The following CDC25C variants were observed in gnomAD, a reference collection of about 807,000 sequenced individuals.
The protein encoded by CDC25C is M-phase inducer phosphatase 3.
In CDC25C, 48 loss-of-function variants were observed where a neutral mutation model predicts 52.5. That is an observed-to-expected ratio of 0.91 (90% CI 0.72 to 1.16). The LOEUF (loss-of-function observed/expected upper bound fraction) is 1.16, where lower values mean the gene tolerates loss of function less well. Ranked by LOEUF, CDC25C falls within the 50% of genes most tolerant of loss-of-function variation. The pLI is 0.00. For missense variants in CDC25C, 510 were observed against 566.1 expected (o/e 0.90, Z 1.01); for synonymous variants, 187 against 206.5 (o/e 0.91, Z 0.81).
chr5:138,329,148 C>T (rs570917284), intron 3 of CDC25C, among the ~76,000 whole-genome samples: 4 of 152,144 alleles, frequency 2.6e-5, no homozygotes, highest in Non-Finnish European at 4.4e-5. Flanking sequence ...CGTGACCCGC[C>T]CGCCTTGCCC....
At chr5:138,329,975 C>A (rs1760225273) in intron 2 of CDC25C, among the ~76,000 whole-genome samples, 1 of 152,132 alleles carries the variant, frequency 6.6e-6, no homozygotes, top group South Asian at 2.1e-4. Flanking sequence ...AGGTGATCCA[C>A]CCACCTCGGC....
At chr5:138,332,234 A>C (rs1382821784), upstream of CDC25C, 1 of 152,040 alleles carries the variant, frequency 6.6e-6, no homozygotes, top group Admixed American at 6.5e-5. Flanking sequence ...TAAGCGTTTC[A>C]TTTTCTTCGC....
At position 138,322,466 on chromosome 5, in the gene CDC25C, A is replaced by ATTTTTTTTTTT. The variant is rs71585117; in HGVS notation, c.460-3103_460-3093dup. On this transcript the variant is annotated intron_variant, in intron 6 of 13. Coordinates refer to ENST00000323760, the MANE Select transcript of CDC25C (RefSeq NM_001790.5). ...AGATGCCTGCCACCACGCCCGGCTA[A>ATTTTTTTTTTT]TTTTTTTTTTTTTTTTTTTTTTTTT... Among the ~76,000 whole-genome samples the ATTTTTTTTTTT allele has an allele frequency of 1.2e-4, 8 of 67,954 alleles. 2 individuals are homozygous for ATTTTTTTTTTT. The highest frequency in any genetic ancestry group is 2.1e-4 in the Non-Finnish European group (7 of 33,136). 44.6% of individuals were successfully genotyped at this position (67,954 alleles called of 152,430 possible).
rs2126837457 is a variant in CDC25C at position 138,328,513 on chromosome 5, T to C, written c.306A>G (p.Ser102=). ...CAGCTAAATGCACTTCCTGAAGTCCTGAAGAATCCAGGTGACCTGCAATCA... is the reference window on the plus strand; with the variant it reads ...CAGCTAAATGCACTTCCTGAAGTCCCGAAGAATCCAGGTGACCTGCAATCA... The part of the protein sequence containing the change: ...DLDETGHLDS[S]GLQEVHLAGM... The change falls in exon 4 of 14, where the codon TCA becomes TCG. Residue 102 remains serine, a synonymous_variant. Coordinates refer to ENST00000323760, the MANE Select transcript of CDC25C (RefSeq NM_001790.5). 2 of 1,613,892 alleles carry C rather than the reference T, an allele frequency of 1.2e-6. No homozygotes were observed. The highest frequency in any genetic ancestry group is 4.5e-5 in the East Asian group (2 of 44,860).
upstream of CDC25C, chr5:138,331,805 A>G (rs1028763250): frequency 8.1e-6 from 8 of 985,974 alleles, no homozygotes; most frequent in African/African-American, 1.4e-4. Flanking sequence ...GAGCAAGAAT[A>G]TCAACAGCCG....
rs1757857896 is a variant in CDC25C at position 138,304,490 on chromosome 5, TG to T, written c.616-12375del. Among the ~76,000 whole-genome samples, 4 of 151,140 alleles carry T rather than the reference TG, an allele frequency of 2.6e-5. No individual in the cohort carries two copies. The South Asian group carries it at 8.4e-4, about 32-fold the overall frequency. ...TAACACAATGGCTCCTACTCTTACCTGCTTCCAACTCTTTTTTTTTTTTTCT... is the reference window on the plus strand; with the variant it reads ...TAACACAATGGCTCCTACTCTTACCTCTTCCAACTCTTTTTTTTTTTTTCT... On this transcript the variant is annotated intron_variant, in intron 7 of 13. Coordinates refer to ENST00000323760, the MANE Select transcript of CDC25C (RefSeq NM_001790.5).
rs1300374504 is a variant in CDC25C at position 138,323,772 on chromosome 5, A to G, written c.459+2043T>C. On this transcript the variant is annotated intron_variant, in intron 6 of 13. Transcript: ENST00000323760. ...TCAGGAGTTCAAATCAGCCTGGCCA[A>G]TATGGTGAAACCCCGTCTCTACTAA... 5.9e-5 allele frequency among the ~76,000 whole-genome samples: 9 copies of G among 152,104 alleles called. No individual in the cohort carries two copies. In the East Asian group the frequency reaches 7.8e-4, roughly 13 times the overall value.
chr5:138,334,584 T>C (rs1327376573), upstream of CDC25C, among the ~76,000 whole-genome samples: 3 of 152,054 alleles, frequency 2.0e-5, no homozygotes, highest in African/African-American at 7.2e-5. Flanking sequence ...ACTCCTGACC[T>C]GAGGTAATCC....
rs1348612100 is a variant in CDC25C, at chr5:138,291,999, A to G, written c.733T>C (p.Tyr245His). The G allele has an allele frequency of 6.2e-6, 10 of 1,609,708 alleles. No homozygotes were observed. Among genetic ancestry groups the G allele is most frequent in the South Asian group, 5.5e-5 (5 of 90,362 alleles). Reference protein sequence around the residue: ...NTIPDKVKKKYFSGQGKLRKG... With the variant: ...NTIPDKVKKKHFSGQGKLRKG... ...CTGAGCTTTCCTTGGCCAGAAAAAT[A>G]CTTTTTTTTAACTTTATCTGGTATT... Residue 245 changes from tyrosine (Y) to histidine (H), a missense_variant, in exon 8 of 14, where the codon TAT (tyrosine) becomes CAT (histidine). By Grantham distance (83) the Tyr-to-His change is moderately conservative. Transcript: ENST00000323760.
At chr5:138,333,939 ATT>A (rs765375535), upstream of CDC25C, among the ~76,000 whole-genome samples, 3 of 145,450 alleles carry the variant, frequency 2.1e-5, no homozygotes, top group Admixed American at 6.9e-5. Context: ...TCTTAAGAGT[ATT>A]TTTTTTTTTT....
At position 138,331,038 on chromosome 5, in the gene CDC25C, G is replaced by A. The variant is rs1445128067; in HGVS notation, c.143C>T (p.Thr48Ile). 5 of 1,614,068 alleles carry A rather than the reference G, an allele frequency of 3.1e-6. No homozygotes were observed. Among genetic ancestry groups the A allele is most frequent in the Non-Finnish European group, 4.2e-6 (5 of 1,180,014 alleles). ...SFTVCPDVPR[T>I]PVGKFLGDSA... ...ATCACCAAGAAATTTGCCCACTGGA[G>A]TTCTAGGGACATCTGGACAGACGGT... The change falls in exon 2 of 14, where the codon ACT becomes ATT. Residue 48 changes from threonine to isoleucine, a missense_variant. Physicochemically the swap from Thr to Ile is moderately conservative, Grantham distance 89 (BLOSUM62 -1). Transcript: ENST00000323760.
In CDC25C at chr5:138,327,577, CAG is replaced by C. The variant is rs11567970; in HGVS notation, c.335+905_335+906del. Among the ~76,000 whole-genome samples, 10 of 151,174 alleles carry C rather than the reference CAG, an allele frequency of 6.6e-5. No homozygotes were observed. The East Asian group carries it at 1.8e-3, about 27-fold the overall frequency. ...CTTGAACCCAGGGAGGCAGAGGTTGCAGTAAGTCAAGATGGCACCACTGCACT... is the reference window on the plus strand; with the variant it reads ...CTTGAACCCAGGGAGGCAGAGGTTGCTAAGTCAAGATGGCACCACTGCACT... On this transcript the variant is annotated intron_variant, in intron 4 of 13. Coordinates refer to ENST00000323760, the MANE Select transcript of CDC25C (RefSeq NM_001790.5).
intron 7 of CDC25C, among the ~76,000 whole-genome samples, chr5:138,306,034 G>GT (rs1470112677): frequency 6.6e-6 from 1 of 152,228 alleles, no homozygotes; most frequent in Non-Finnish European, 1.5e-5. Flanking sequence ...CAGGGTGCCA[G>GT]TAACGGTGGC....
chr5:138,337,553 G>GGGT, intron 1 of CDC25C: 1 of 202,578 alleles, frequency 4.9e-6, no homozygotes. Context: ...GGGGGGGAGG[G>GGGT]GGCGGAGAGA....
chr5:138,312,530 T>G (rs546460882), intron 7 of CDC25C, among the ~76,000 whole-genome samples: 2 of 152,348 alleles, frequency 1.3e-5, no homozygotes, highest in East Asian at 3.9e-4. Flanking sequence ...AGGAATGAAA[T>G]TATGATACAT....
chr5:138,286,506 C>T lies in CDC25C; in HGVS notation c.1151G>A (p.Gly384Asp), dbSNP rs1451985955. 1.8e-5 allele frequency: 29 copies of T among 1,611,008 alleles called. No homozygotes were observed. The highest frequency in any genetic ancestry group is 2.4e-5 in the Non-Finnish European group (28 of 1,178,630). Residue 384 changes from glycine (G) to aspartate (D), a missense_variant, in exon 12 of 14, where the codon GGC (glycine) becomes GAC (aspartate). Physicochemically the swap from Gly to Asp is moderately conservative, Grantham distance 94. Coordinates refer to ENST00000323760, the MANE Select transcript of CDC25C (RefSeq NM_001790.5). ...VFHCEFSSERGPRMCRCLREE... is the reference protein window; with the variant it reads ...VFHCEFSSERDPRMCRCLREE... ...CCATTTAGACACTCACATTCGGGGG[C>T]CCCTCTCTGAGGAGAATTCACAGTG...
chr5:138,308,882 TG>T (rs778744254), intron 7 of CDC25C, among the ~76,000 whole-genome samples: 5 of 152,062 alleles, frequency 3.3e-5, no homozygotes, highest in African/African-American at 4.8e-5. Context: ...TATGTAACCA[TG>T]GGTATCACAC....
At chr5:138,315,061 G>A (rs949427055) in intron 7 of CDC25C, among the ~76,000 whole-genome samples, 1 of 151,516 alleles carries the variant, frequency 6.6e-6, no homozygotes, top group African/African-American at 2.4e-5. Flanking sequence ...AGCCAGCCCA[G>A]TAGCTGGGGT....
chr5:138,324,151 G>T (rs2126815635), intron 6 of CDC25C, among the ~76,000 whole-genome samples: 1 of 151,660 alleles, frequency 6.6e-6, no homozygotes, highest in South Asian at 2.1e-4. Flanking sequence ...TGCGCCTGTA[G>T]TTCCAGCTAC....
Sources: allele counts gnomAD v4.1 joint callset (sites outside exome capture counted in the v4.1 genomes callset), GRCh38; gene constraint gnomAD v4.1.1; transcripts MANE v1.5; gene names NCBI Gene and HGNC (gene_info 2026-07-23, HGNC 2026-07-21).